Variants in ZNF718 observed in about 807,000 individuals in gnomAD.
ZNF718 encodes zinc finger protein 718.
A neutral mutation model predicts 2.6 loss-of-function variants in ZNF718; 3 were observed. The observed-to-expected ratio is 1.16, with a 90% CI of 0.53 to 3.01. The LOEUF (loss-of-function observed/expected upper bound fraction) is 3.01, where lower values mean the gene tolerates loss of function less well. Among genes scored for constraint, ZNF718 ranks in the 30% most tolerant of loss-of-function variants. The pLI is 0.03. For synonymous variants in ZNF718, 135 were observed against 77.9 expected, an observed-to-expected ratio of 1.73 and a Z score of -3.86; for missense variants, 468 against 230.0, an observed-to-expected ratio of 2.03 and a Z score of -6.69.
At chr4:171,540 A>G (rs542214541) in intron 3 of ZNF718, among the ~76,000 whole-genome samples, 5 of 152,144 alleles carry the variant, frequency 3.3e-5, no homozygotes, top group African/African-American at 7.2e-5. Context: ...AGCCTCGGCA[A>G]TGGTGGGCGC....
chr4:131,530 G>T, intron 3 of ZNF718, 25 bp downstream of exon 3: 1 of 395,058 alleles, frequency 2.5e-6, no homozygotes. Context: ...ATGGAGGAGA[G>T]GACACAGACA....
intron 1 of ZNF718, 125 bp downstream of exon 1, chr4:124,798 G>C: frequency 7.6e-7 from 1 of 1,318,332 alleles, no homozygotes; most frequent in Non-Finnish European, 1.0e-6. Flanking sequence ...AGTCCCCTCC[G>C]GTGAGGGACC....
chr4:134,734 C>A (rs1456995313), intron 3 of ZNF718, among the ~76,000 whole-genome samples: 1 of 149,382 alleles, frequency 6.7e-6, no homozygotes, highest in African/African-American at 2.5e-5. Context: ...AAAATTGTTT[C>A]TTTTTTGTTT....
intron 3 of ZNF718, among the ~76,000 whole-genome samples, chr4:173,419 C>T (rs1206551175): frequency 1.5e-4 from 23 of 152,254 alleles, no homozygotes; most frequent in Admixed American, 9.8e-4. Context: ...CCACCAAAAT[C>T]GTTTTCTATT....
In ZNF718 at chr4:161,429, T is replaced by C. The variant is rs1553815106; in HGVS notation, c.744T>C (p.Ile248=). ...RSSHLTKHKR[I]HTGEKPYICE... The stretch of plus-strand genomic sequence containing the variant: ...CACACCTTACTAAACATAAGAGAAT[T>C]CATACTGGAGAGAAACCCTACATAT... The change falls in exon 4 of 4, where the codon ATT becomes ATC. Residue 248 remains isoleucine, a synonymous_variant. Coordinates refer to ENST00000510175, the MANE Select transcript of ZNF718 (RefSeq NM_001039127.6). The C allele has an allele frequency of 1.3e-6, 1 of 780,672 alleles. No individual in the cohort carries two copies. The highest frequency in any genetic ancestry group is 1.3e-5 in the South Asian group (1 of 74,608). The allele number at this position is 780,672 out of a possible 1,614,324, so 48.4% of individuals were successfully genotyped here.
At chr4:183,997 A>C (rs1360651033) in intron 3 of ZNF718, among the ~76,000 whole-genome samples, 2 of 152,034 alleles carry the variant, frequency 1.3e-5, no homozygotes, top group East Asian at 3.8e-4. Context: ...ACTACACTTT[A>C]TTTCTTTCTC....
exon 4 of ZNF718, chr4:201,088 C>A (rs1717890583): frequency 6.6e-6 from 1 of 152,184 alleles, no homozygotes; most frequent in Non-Finnish European, 1.5e-5. Context: ...CAGGTCACTA[C>A]AGGAAAAGAT....
downstream of ZNF718, among the ~76,000 whole-genome samples, chr4:168,737 C>T (rs1304279542): frequency 1.3e-5 from 2 of 151,578 alleles, no homozygotes; most frequent in Admixed American, 6.6e-5. Flanking sequence ...TTTGATTCTT[C>T]TCTCTTTTCT....
rs1029705212 is a variant in ZNF718, at chr4:193,018, A to G, written c.227-8063A>G. Among the ~76,000 whole-genome samples, 7 of 152,290 alleles carry G rather than the reference A, an allele frequency of 4.6e-5. No homozygotes were observed. In the East Asian group the frequency reaches 1.4e-3, roughly 29 times the overall value. On this transcript the variant is annotated intron_variant and NMD_transcript_variant, in intron 3 of 4. Coordinates refer to the ZNF718 transcript ENST00000642529. ...GAATTTTAAGTAATTTCCATTGGTT[A>G]GCTGCAGGCAAAAGTATTTTCCTTC...
chr4:166,298 T>C (rs782414111), downstream of ZNF718, among the ~76,000 whole-genome samples: 2 of 152,228 alleles, frequency 1.3e-5, no homozygotes, highest in Non-Finnish European at 2.9e-5. Context: ...TGAATAGTGC[T>C]GCGATAAACA....
In ZNF718 at chr4:131,060, A is replaced by G. The variant is rs1265658369; in HGVS notation, c.130+146A>G. On this transcript the variant is annotated intron_variant, in intron 2 of 3. Coordinates refer to ENST00000510175, the MANE Select transcript of ZNF718 (RefSeq NM_001039127.6). ...AGTTGGGAGTTTGGTGGTATAAAAA[A>G]TAAAATCTTTAGGATGTTTCATCTT... 5 of 214,834 alleles carry G rather than the reference A, an allele frequency of 2.3e-5. 2 individuals are homozygous for G. The highest frequency in any genetic ancestry group is 1.5e-4 in the African/African-American group (5 of 34,222). 13.3% of individuals were successfully genotyped at this position (214,834 alleles called of 1,614,324 possible).
chr4:135,091 A>C, intron 3 of ZNF718, among the ~76,000 whole-genome samples: 1 of 152,104 alleles, frequency 6.6e-6, no homozygotes, highest in Admixed American at 6.5e-5. Flanking sequence ...AAAATACAAA[A>C]ATTAGCTGGG....
At chr4:140,140 C>T (rs1253476617) in intron 3 of ZNF718, among the ~76,000 whole-genome samples, 1 of 152,076 alleles carries the variant, frequency 6.6e-6, no homozygotes, top group Non-Finnish European at 1.5e-5. Flanking sequence ...TTACCGTACT[C>T]AACTGGCTAC....
chr4:189,826 A>C (rs546538137), intron 3 of ZNF718, among the ~76,000 whole-genome samples: 20 of 152,160 alleles, frequency 1.3e-4, no homozygotes, highest in Non-Finnish European at 2.9e-4. Flanking sequence ...TTTTATCATA[A>C]ATAGGTGCTG....
At chr4:180,883 A>G (rs1365003835) in intron 3 of ZNF718, among the ~76,000 whole-genome samples, 4 of 152,228 alleles carry the variant, frequency 2.6e-5, no homozygotes, top group African/African-American at 9.6e-5. Context: ...ATTAACTCAT[A>G]AGAGTTCTCT....
intron 3 of ZNF718, among the ~76,000 whole-genome samples, chr4:179,236 A>G (rs1717408813): frequency 6.6e-6 from 1 of 152,218 alleles, no homozygotes; most frequent in African/African-American, 2.4e-5. Flanking sequence ...GTTCTGTTCC[A>G]TCAACCATTT....
chr4:142,177 C>T (rs1560112648), intron 3 of ZNF718: 1 of 365,800 alleles, frequency 2.7e-6, no homozygotes, highest in South Asian at 2.1e-5. Context: ...GGAGATTTCT[C>T]CCAAGAAGAT....
chr4:140,259 C>T (rs1288349214), intron 3 of ZNF718, among the ~76,000 whole-genome samples: 1 of 152,106 alleles, frequency 6.6e-6, no homozygotes, highest in Non-Finnish European at 1.5e-5. Flanking sequence ...AGACATCTGA[C>T]ACTGAGATCG....
intron 3 of ZNF718, among the ~76,000 whole-genome samples, chr4:160,651 G>T (rs9686020): frequency 0.012 from 1,892 of 152,274 alleles, 45 homozygotes; most frequent in African/African-American, 0.043. Context: ...CCGGGTTCAA[G>T]GGATTCTCCT....
Sources: allele counts gnomAD v4.1 joint callset (sites outside exome capture counted in the v4.1 genomes callset), GRCh38; gene constraint gnomAD v4.1.1; transcripts MANE v1.5; gene names NCBI Gene and HGNC (gene_info 2026-07-23, HGNC 2026-07-21).